The following SKIC3 variants were observed in gnomAD, a reference collection of about 807,000 sequenced individuals.
The protein encoded by SKIC3 is superkiller complex protein 3.
At chr5:95,510,968 T>C in the SKIC3 span, among the ~76,000 whole-genome samples, 1 of 152,340 alleles carries the variant, frequency 6.6e-6, no homozygotes, top group African/African-American at 2.4e-5. Context: ...CTTCAAATCC[T>C]TTAGATTATT....
At chr5:95,515,031 A>G in the SKIC3 span, 1 of 1,088,792 alleles carries the variant, frequency 9.2e-7, no homozygotes, top group Admixed American at 2.1e-5. Flanking sequence ...ATAAATATGT[A>G]TGAACATAAA....
the SKIC3 span, among the ~76,000 whole-genome samples, chr5:95,533,122 A>G: frequency 6.6e-6 from 1 of 152,158 alleles, no homozygotes; most frequent in African/African-American, 2.4e-5. Flanking sequence ...GTAACAAAGC[A>G]AAATAAGATA....
At chr5:95,481,581 T>C in the SKIC3 span, among the ~76,000 whole-genome samples, 2 of 152,166 alleles carry the variant, frequency 1.3e-5, no homozygotes, top group African/African-American at 2.4e-5. Context: ...CCTTTGATAA[T>C]GAATATGAAA....
At chr5:95,517,183 C>T in the SKIC3 span, 2 of 1,613,286 alleles carry the variant, frequency 1.2e-6, no homozygotes. Flanking sequence ...TTCTTTAATA[C>T]TTGTTTTCCT....
chr5:95,469,672 A>T, the SKIC3 span: 1 of 1,497,424 alleles, frequency 6.7e-7, no homozygotes, highest in East Asian at 2.3e-5. Flanking sequence ...AAAGTTTGTT[A>T]AATTGGTCTG....
chr5:95,491,031 G>C, the SKIC3 span: 694 of 1,613,796 alleles, frequency 4.3e-4, 3 homozygotes, highest in South Asian at 3.0e-3. Context: ...CAGATAGCAG[G>C]ATCACCTGAA....
the SKIC3 span, among the ~76,000 whole-genome samples, chr5:95,497,092 T>A: frequency 6.6e-6 from 1 of 152,236 alleles, no homozygotes; most frequent in Non-Finnish European, 1.5e-5. Context: ...TAGCTAATGA[T>A]TACTATGTGG....
chr5:95,478,425 A>G, the SKIC3 span: 1 of 1,613,888 alleles, frequency 6.2e-7, no homozygotes, highest in Non-Finnish European at 8.5e-7. Flanking sequence ...CTTGGGATTG[A>G]TACACATGTG....
At chr5:95,507,049 A>C in the SKIC3 span, 14 of 1,573,452 alleles carry the variant, frequency 8.9e-6, no homozygotes, top group Non-Finnish European at 1.2e-5. Context: ...ATCTCTGTGC[A>C]ATAGCATTCT....
the SKIC3 span, chr5:95,503,710 T>C: frequency 2.6e-6 from 4 of 1,539,984 alleles, no homozygotes; most frequent in South Asian, 2.2e-5. Context: ...TTAATAAACA[T>C]TGCAACCCCC....
chr5:95,505,669 T>C, the SKIC3 span, among the ~76,000 whole-genome samples: 2 of 151,760 alleles, frequency 1.3e-5, no homozygotes, highest in Admixed American at 6.6e-5. Context: ...AAAAATTAGC[T>C]GGGCGTGGTG....
At chr5:95,529,319 CACT>C in the SKIC3 span, 1 of 597,998 alleles carries the variant, frequency 1.7e-6, no homozygotes, top group East Asian at 2.9e-5. Context: ...TATCCCAAAT[CACT>C]ACAAGTGCTT....
chr5:95,541,797 T>C, the SKIC3 span: 4 of 1,559,276 alleles, frequency 2.6e-6, no homozygotes, highest in East Asian at 4.5e-5. Flanking sequence ...AACTGGACTT[T>C]CCTCATACAT....
chr5:95,522,054 CT>C, the SKIC3 span: 1 of 1,613,086 alleles, frequency 6.2e-7, no homozygotes, highest in Non-Finnish European at 8.5e-7. Flanking sequence ...AATAAATTAC[CT>C]TTTAAAGCAG....
chr5:95,552,876 G>A, the SKIC3 span, among the ~76,000 whole-genome samples: 2 of 152,054 alleles, frequency 1.3e-5, no homozygotes, highest in African/African-American at 4.8e-5. Context: ...ATAAATGGTG[G>A]CGAGGGAGTT....
the SKIC3 span, among the ~76,000 whole-genome samples, chr5:95,511,496 A>G: frequency 6.6e-6 from 1 of 152,274 alleles, no homozygotes; most frequent in South Asian, 2.1e-4. Flanking sequence ...AAACCCCCCC[A>G]AGTGCTGATG....
chr5:95,529,164 C>A, the SKIC3 span: 4 of 1,378,292 alleles, frequency 2.9e-6, no homozygotes, highest in Non-Finnish European at 4.1e-6. Context: ...TGAACAGCAC[C>A]AATGCCTACT....
At chr5:95,501,949 T>G in the SKIC3 span, among the ~76,000 whole-genome samples, 9 of 152,154 alleles carry the variant, frequency 5.9e-5, no homozygotes, top group Non-Finnish European at 1.3e-4. Flanking sequence ...ATGGGTTGGC[T>G]TTTCCTAACC....
the SKIC3 span, among the ~76,000 whole-genome samples, chr5:95,482,228 C>T: frequency 1.3e-5 from 2 of 152,086 alleles, no homozygotes; most frequent in African/African-American, 2.4e-5. Flanking sequence ...TTTTCATCAC[C>T]GTTTTAAAGT....
Sources: allele counts gnomAD v4.1 joint callset (sites outside exome capture counted in the v4.1 genomes callset), GRCh38; gene constraint gnomAD v4.1.1; transcripts MANE v1.5; gene names NCBI Gene and HGNC (gene_info 2026-07-23, HGNC 2026-07-21).